ALDH5A1: variants seen among roughly 807,000 people sequenced by gnomAD.
ALDH5A1 encodes aldehyde dehydrogenase 5 family member A1, also known as succinate-semialdehyde dehydrogenase, mitochondrial.
A neutral mutation model predicts 54.7 loss-of-function variants in ALDH5A1; 33 were observed. The observed-to-expected ratio is 0.60, with a 90% CI of 0.46 to 0.81. The LOEUF (loss-of-function observed/expected upper bound fraction) is 0.81. Ranked by LOEUF, ALDH5A1 falls within the 30% of genes least tolerant of loss-of-function variation. ALDH5A1 has a pLI of 0.00. For synonymous variants in ALDH5A1, 294 were observed against 292.7 expected (o/e 1.00, Z -0.05); for missense variants, 657 against 711.0 (o/e 0.92, Z 0.86).
At chr6:24,501,914 G>GT (rs1561868970) in intron 1 of ALDH5A1, among the ~76,000 whole-genome samples, 8 of 146,822 alleles carry the variant, frequency 5.4e-5, no homozygotes, top group African/African-American at 2.0e-4. Flanking sequence ...TGTGTGTGTG[G>GT]GTGTATATAT....
chr6:24,500,550 G>A (rs981784486), intron 1 of ALDH5A1, among the ~76,000 whole-genome samples: 2 of 152,036 alleles, frequency 1.3e-5, no homozygotes, highest in African/African-American at 4.8e-5. Context: ...GGGAGGCCAA[G>A]GCAGGAGGAT....
chr6:24,502,981 C>A (rs1297474735), intron 2 of ALDH5A1, among the ~76,000 whole-genome samples: 1 of 150,680 alleles, frequency 6.6e-6, no homozygotes, highest in African/African-American at 2.4e-5. Context: ...TATTTCATAT[C>A]GTGGTTACAA....
chr6:24,515,102 C>CTGTTTTTTTTTTTTTTTTTTTTT, intron 4 of ALDH5A1, 65 bp from the exon 5 acceptor site: 1 of 927,262 alleles, frequency 1.1e-6, no homozygotes, highest in Non-Finnish European at 1.5e-6. Context: ...TTTCTCTTTT[C>CTGTTTTTTTTTTTTTTTTTTTTT]TTTTTTTTTT....
intron 4 of ALDH5A1, among the ~76,000 whole-genome samples, chr6:24,507,676 T>C (rs1035500883): frequency 1.3e-5 from 2 of 151,742 alleles, no homozygotes; most frequent in African/African-American, 4.9e-5. Flanking sequence ...CTGATATCCA[T>C]GAGTTGAATC....
At chr6:24,532,313 G>C (rs1488353775) in intron 9 of ALDH5A1, 136 bp downstream of exon 9, 11 of 884,906 alleles carry the variant, frequency 1.2e-5, no homozygotes, top group Non-Finnish European at 2.0e-5. Flanking sequence ...TTTCCAAGTG[G>C]TGGAATGGAT....
chr6:24,532,030 A>ATTAT, intron 8 of ALDH5A1, 89 bp from the exon 9 acceptor site: 1 of 1,243,310 alleles, frequency 8.0e-7, no homozygotes, highest in South Asian at 1.2e-5. Context: ...ACTCCTTGTG[A>ATTAT]TTATTTGGGA....
At chr6:24,516,505 A>AAAAATC (rs372177244) in intron 5 of ALDH5A1, among the ~76,000 whole-genome samples, 89 of 151,918 alleles carry the variant, frequency 5.9e-4, no homozygotes, top group African/African-American at 2.0e-3. Flanking sequence ...CCAAAAGAGA[A>AAAAATC]AAAATCAAGG....
In ALDH5A1 at chr6:24,522,835, C is replaced by T. The variant is rs111525061; in HGVS notation, c.1083C>T (p.Ala361=). ...GIHDAFVKAF[A]EAMKKNLRVG... ...ATGATGCCTTTGTAAAAGCATTCGC[C>T]GAGGCCATGAAGAAGAACCTGCGCG... Residue 361 remains alanine, a synonymous_variant, in exon 7 of 10, where the codon GCC becomes GCT. Transcript: ENST00000357578. 3 of 1,613,900 alleles carry T rather than the reference C, an allele frequency of 1.9e-6. No individual in the cohort carries two copies. The highest frequency in any genetic ancestry group is 1.3e-5 in the African/African-American group (1 of 74,940).
At chr6:24,529,235 C>T (rs368083413) in intron 8 of ALDH5A1, among the ~76,000 whole-genome samples, 3 of 151,604 alleles carry the variant, frequency 2.0e-5, no homozygotes, top group East Asian at 2.0e-4. Context: ...GGTATGATCT[C>T]GGCTCACTGC....
rs1403396641 is a variant in ALDH5A1, at chr6:24,534,479, A to G, written c.*767A>G. The stretch of plus-strand genomic sequence containing the variant: ...CAGCTTGGTAGGATGGAAGGCACGC[A>G]GTGGCATGGCCTGGCTCCTTCCCTG... On this transcript the variant is annotated 3_prime_UTR_variant, in exon 10 of 10. Coordinates refer to ENST00000357578, the MANE Select transcript of ALDH5A1 (RefSeq NM_001080.3). 6.6e-6 allele frequency: 1 copy of G among 152,464 alleles called. No homozygotes were observed. Among genetic ancestry groups the G allele is most frequent in the Non-Finnish European group, 1.5e-5 (1 of 68,248 alleles). The allele number at this position is 152,464 out of a possible 1,614,324, so 9.4% of individuals were successfully genotyped here.
chr6:24,520,643 TGTGTGC>T, intron 6 of ALDH5A1, 99 bp downstream of exon 6: 3 of 1,502,356 alleles, frequency 2.0e-6, no homozygotes, highest in South Asian at 1.2e-5. Context: ...AGTGTGTGTG[TGTGTGC>T]GTGTGTGTGT....
chr6:24,528,267 G>A, intron 8 of ALDH5A1, 101 bp downstream of exon 8: 1 of 1,390,104 alleles, frequency 7.2e-7, no homozygotes, highest in Non-Finnish European at 1.0e-6. Flanking sequence ...TGGCCAGGAG[G>A]CAGACAGTTG....
Position 24,495,115 on chromosome 6 carries a change from G to A in ALDH5A1, c.119G>A (p.Gly40Asp). The A allele has an allele frequency of 2.3e-6, 3 of 1,331,392 alleles. No individual in the cohort carries two copies. Among genetic ancestry groups the A allele is most frequent in the South Asian group, 2.1e-5 (1 of 48,102 alleles). The allele number at this position is 1,331,392 out of a possible 1,614,324, so 82.5% of individuals were successfully genotyped here. The change falls in exon 1 of 10, where the codon GGC (glycine) becomes GAC (aspartate). Residue 40 changes from glycine (G) to aspartate (D), a missense_variant. Physicochemically the swap from Gly to Asp is moderately conservative, Grantham distance 94. Around this residue, in one of 2 missense-constraint regions of ALDH5A1, gnomAD observed 232 missense variants for 194.6 expected, o/e 1.19. Coordinates refer to ENST00000357578, the MANE Select transcript of ALDH5A1 (RefSeq NM_001080.3). ...GLVPASGPAP[G>D]PAQLRCYAGR... is the part of the protein sequence containing the mutation. Reference sequence around the variant, plus strand: ...GTCCCTGCCTCCGGGCCTGCGCCCGGCCCGGCCCAGCTCCGCTGCTACGCT... The same window carrying A: ...GTCCCTGCCTCCGGGCCTGCGCCCGACCCGGCCCAGCTCCGCTGCTACGCT...
At chr6:24,521,080 G>A (rs80206591) in intron 6 of ALDH5A1, among the ~76,000 whole-genome samples, 3,144 of 152,308 alleles carry the variant, frequency 0.021, 86 homozygotes, top group African/African-American at 0.061. Context: ...TCAAAACCCT[G>A]TTGCCTGCTA....
chr6:24,519,715 C>T (rs1277441544), intron 5 of ALDH5A1, among the ~76,000 whole-genome samples: 1 of 147,914 alleles, frequency 6.8e-6, no homozygotes, highest in African/African-American at 2.5e-5. Context: ...GAAGATAAAG[C>T]AGGTTACGAA....
intron 5 of ALDH5A1, among the ~76,000 whole-genome samples, chr6:24,515,837 C>T (rs548693735): frequency 1.2e-4 from 18 of 152,216 alleles, no homozygotes; most frequent in African/African-American, 4.3e-4. Context: ...GAAATTGGGG[C>T]AGCGAGGGTC....
At chr6:24,499,417 T>G (rs1216680083) in intron 1 of ALDH5A1, among the ~76,000 whole-genome samples, 1 of 152,182 alleles carries the variant, frequency 6.6e-6, no homozygotes. Flanking sequence ...TCTCTAGGCC[T>G]TCCTCATTTT....
At chr6:24,524,020 C>G (rs1455096305) in intron 7 of ALDH5A1, among the ~76,000 whole-genome samples, 1 of 137,190 alleles carries the variant, frequency 7.3e-6, no homozygotes, top group Non-Finnish European at 1.5e-5. Flanking sequence ...GCGTCTCGCT[C>G]TGTTGCCCAG....
At position 24,509,394 on chromosome 6, in the gene ALDH5A1, G is replaced by T. The variant is rs1215160445; in HGVS notation, c.726+4409G>T. On this transcript the variant is annotated intron_variant, in intron 4 of 9. Coordinates refer to ENST00000357578, the MANE Select transcript of ALDH5A1 (RefSeq NM_001080.3). This position sits in a 1 kb window ranked among gnomAD's most constrained non-coding sequence, Gnocchi z 4.7. Reference sequence around the variant, plus strand: ...AGGATTCCCTCTTTCTCTATCTTGTGGAATAGTGTCAATAGGATTGATACC... The same window carrying T: ...AGGATTCCCTCTTTCTCTATCTTGTTGAATAGTGTCAATAGGATTGATACC... 2.6e-5 allele frequency among the ~76,000 whole-genome samples: 4 copies of T among 152,084 alleles called. No homozygotes were observed. Among genetic ancestry groups the T allele is most frequent in the Non-Finnish European group, 5.9e-5 (4 of 67,984 alleles).
Sources: allele counts gnomAD v4.1 joint callset (sites outside exome capture counted in the v4.1 genomes callset), GRCh38; gene constraint gnomAD v4.1.1; regional missense constraint gnomAD v4.1.1; non-coding constraint Gnocchi (gnomAD v3.1); transcripts MANE v1.5; gene names NCBI Gene and HGNC (gene_info 2026-07-23, HGNC 2026-07-21).